NME7: variants seen among roughly 807,000 people sequenced by gnomAD.
NME7 encodes the protein nucleoside diphosphate kinase 7.
In NME7, 41 loss-of-function variants were observed where a neutral mutation model predicts 49.1. The observed-to-expected ratio is 0.83, with a 90% CI of 0.65 to 1.08. The LOEUF (loss-of-function observed/expected upper bound fraction) is 1.08, where lower values mean the gene tolerates loss of function less well. NME7 is among the 50% of genes least tolerant of loss of function. The pLI, the probability that NME7 is intolerant of heterozygous loss-of-function variation, is 0.00. For missense variants in NME7, 423 were observed against 463.4 expected (o/e 0.91, Z 0.80); for synonymous variants, 139 against 150.6 (o/e 0.92, Z 0.56).
chr1:169,135,069 G>A (rs866818223), intron 11 of NME7, among the ~76,000 whole-genome samples: 3 of 146,162 alleles, frequency 2.1e-5, no homozygotes, highest in Non-Finnish European at 3.0e-5. Context: ...ACACGCCTGT[G>A]ATCTCAGCTA....
chr1:169,235,143 C>A lies in NME7; in HGVS notation c.876G>T (p.Val292=). 2.6e-6 allele frequency: 4 copies of A among 1,522,602 alleles called. No homozygotes were observed. The South Asian group carries it at 3.5e-5, about 13-fold the overall frequency. 94.3% of individuals were successfully genotyped at this position (1,522,602 alleles called of 1,614,324 possible). Residue 292 remains valine, a synonymous_variant, in exon 9 of 12, where the codon GTG becomes GTT. Coordinates refer to ENST00000367811, the MANE Select transcript of NME7 (RefSeq NM_013330.5). The stretch of plus-strand genomic sequence containing the variant: ...CTTTTATACTTACATGATATTCGGT[C>A]ACTACTCCTTTATAAACTTCATAGA... ...EEFYEVYKGV[V]TEYHDMVTEM... is the part of the protein sequence containing the mutation.
chr1:169,187,346 G>A (rs1025353698), intron 10 of NME7, among the ~76,000 whole-genome samples: 1 of 152,134 alleles, frequency 6.6e-6, no homozygotes, highest in Non-Finnish European at 1.5e-5. Context: ...AGAGTAGAGT[G>A]TTAAAGTCTC....
intron 4 of NME7, among the ~76,000 whole-genome samples, chr1:169,305,629 T>C (rs1334464500): frequency 1.3e-5 from 2 of 152,154 alleles, no homozygotes; most frequent in African/African-American, 4.8e-5. Flanking sequence ...AGGTAAAGCC[T>C]CTCTTCAGTA....
chr1:169,168,539 C>T (rs933566800), intron 11 of NME7, among the ~76,000 whole-genome samples: 6 of 152,138 alleles, frequency 3.9e-5, no homozygotes, highest in African/African-American at 1.4e-4. Flanking sequence ...TCAAGCAATC[C>T]TCCCACTTAA....
chr1:169,240,842 C>T (rs1648059751), intron 7 of NME7, among the ~76,000 whole-genome samples: 1 of 151,996 alleles, frequency 6.6e-6, no homozygotes, highest in African/African-American at 2.4e-5. Flanking sequence ...ATACAGTTTT[C>T]CAAGGTTCTA....
intron 9 of NME7, among the ~76,000 whole-genome samples, chr1:169,233,593 T>C (rs1406555100): frequency 6.6e-6 from 1 of 152,196 alleles, no homozygotes; most frequent in African/African-American, 2.4e-5. Flanking sequence ...TCATCTCAGC[T>C]AATACAAACT....
chr1:169,230,173 C>G (rs1009729777), intron 10 of NME7, among the ~76,000 whole-genome samples: 5 of 152,042 alleles, frequency 3.3e-5, no homozygotes, highest in Admixed American at 3.3e-4. Context: ...TCTAATGCTA[C>G]TTCTACTTGT....
Position 169,213,619 on chromosome 1 carries a change from C to A in NME7, c.990+17099G>T, listed in dbSNP as rs1311491250. 2.6e-5 allele frequency among the ~76,000 whole-genome samples: 4 copies of A among 152,052 alleles called. No individual in the cohort carries two copies. In the South Asian group the frequency reaches 8.3e-4, roughly 31 times the overall value. ...GTCTTTCTTAAGTACAGAATTATAA[C>A]CAACTAATCTTTAAACATGCCAAAT... On this transcript the variant is annotated intron_variant, in intron 10 of 11. Coordinates refer to ENST00000367811, the MANE Select transcript of NME7 (RefSeq NM_013330.5).
rs555594071 is a variant in NME7, at chr1:169,185,481, G to A, written c.991-15927C>T. On this transcript the variant is annotated intron_variant, in intron 10 of 11. Coordinates refer to ENST00000367811, the MANE Select transcript of NME7 (RefSeq NM_013330.5). ...CAAAATCCCTGTCAAACAGAATGGG[G>A]TGAAGCTTATTAATACTTTCACATC... 2.0e-5 allele frequency among the ~76,000 whole-genome samples: 3 copies of A among 152,236 alleles called. No homozygotes were observed. In the East Asian group the frequency reaches 5.8e-4, roughly 29 times the overall value.
intron 10 of NME7, among the ~76,000 whole-genome samples, chr1:169,217,813 G>A (rs372785016): frequency 3.9e-5 from 6 of 152,044 alleles, no homozygotes; most frequent in South Asian, 2.1e-4. Flanking sequence ...TGCTGGTTGC[G>A]GCTTCACTGT....
At chr1:169,250,057 C>T (rs1648496103) in intron 7 of NME7, among the ~76,000 whole-genome samples, 1 of 152,020 alleles carries the variant, frequency 6.6e-6, no homozygotes, top group Admixed American at 6.6e-5. Context: ...GGTCCCAGTT[C>T]TCTGAATGTC....
At chr1:169,229,946 A>G (rs1647529276) in intron 10 of NME7, among the ~76,000 whole-genome samples, 1 of 151,974 alleles carries the variant, frequency 6.6e-6, no homozygotes, top group Admixed American at 6.6e-5. Flanking sequence ...TGGGCAACAG[A>G]GTGAGACTCC....
Position 169,281,782 on chromosome 1 carries a change from C to T in NME7, c.754+5521G>A, listed in dbSNP as rs115526970. ...ATTTGTGTATGTTGAACCAGCCTTG[C>T]ATTCCAGCAATGAAGCCACTTGATT... On this transcript the variant is annotated intron_variant, in intron 7 of 11. Transcript: ENST00000367811. Among the ~76,000 whole-genome samples the T allele has an allele frequency of 2.4e-3, 365 of 152,324 alleles. 1 individual carries two copies. The highest frequency in any genetic ancestry group is 0.017 in the Middle Eastern group (5 of 294).
At chr1:169,221,903 GTTGT>G (rs954687185) in intron 10 of NME7, among the ~76,000 whole-genome samples, 9 of 151,614 alleles carry the variant, frequency 5.9e-5, no homozygotes, top group African/African-American at 9.7e-5. Flanking sequence ...GTCTGTTGTT[GTTGT>G]TTGTTTGTTT....
chr1:169,345,904 G>C (rs1275716209), intron 1 of NME7, among the ~76,000 whole-genome samples: 1 of 152,138 alleles, frequency 6.6e-6, no homozygotes, highest in African/African-American at 2.4e-5. Context: ...CCGCATCTTA[G>C]TTAACAGCAA....
intron 8 of NME7, among the ~76,000 whole-genome samples, chr1:169,236,805 A>T (rs947998214): frequency 6.6e-6 from 1 of 151,606 alleles, no homozygotes; most frequent in African/African-American, 2.4e-5. Context: ...TAATCTTAAG[A>T]CTTTAGAAAG....
At chr1:169,185,045 G>C (rs896188771) in intron 10 of NME7, among the ~76,000 whole-genome samples, 1 of 152,030 alleles carries the variant, frequency 6.6e-6, no homozygotes, top group Non-Finnish European at 1.5e-5. Flanking sequence ...GGGAACTCTA[G>C]GGTACCCATG....
chr1:169,176,221 C>A (rs1262797895), intron 10 of NME7, among the ~76,000 whole-genome samples: 1 of 152,062 alleles, frequency 6.6e-6, no homozygotes, highest in Non-Finnish European at 1.5e-5. Flanking sequence ...GAAAAGGAAG[C>A]CAGGGAGAGA....
At chr1:169,345,623 A>G (rs1438767403) in intron 1 of NME7, among the ~76,000 whole-genome samples, 1 of 152,014 alleles carries the variant, frequency 6.6e-6, no homozygotes, top group Non-Finnish European at 1.5e-5. Context: ...TGGTTTCTTG[A>G]TGTTAGAGTG....
Sources: allele counts gnomAD v4.1 joint callset (sites outside exome capture counted in the v4.1 genomes callset), GRCh38; gene constraint gnomAD v4.1.1; transcripts MANE v1.5; gene names NCBI Gene and HGNC (gene_info 2026-07-23, HGNC 2026-07-21).